The following SDCCAG8 variants were observed in gnomAD, a reference collection of about 807,000 sequenced individuals.
SDCCAG8 encodes the protein SHH signaling and ciliogenesis regulator SDCCAG8.
In SDCCAG8, 74 loss-of-function variants were observed where a neutral mutation model predicts 101.8. The observed-to-expected ratio is 0.73, with a 90% CI of 0.60 to 0.88. The LOEUF is 0.88. Ranked by LOEUF, SDCCAG8 falls within the 40% of genes least tolerant of loss-of-function variation. The pLI is 0.00. For synonymous variants in SDCCAG8, 281 were observed against 292.9 expected (o/e 0.96, Z 0.41); for missense variants, 787 against 822.6 (o/e 0.96, Z 0.53).
Position 243,286,255 on chromosome 1 carries a change from G to C in SDCCAG8, c.421-17G>C. 1 of 1,612,106 alleles carries C rather than the reference G, an allele frequency of 6.2e-7. No homozygotes were observed. The highest frequency in any genetic ancestry group is 8.5e-7 in the Non-Finnish European group (1 of 1,178,282). On this transcript the variant is annotated splice_polypyrimidine_tract_variant and intron_variant, in intron 4 of 17. Coordinates refer to ENST00000366541, the MANE Select transcript of SDCCAG8 (RefSeq NM_006642.5). Reference sequence around the variant, plus strand: ...CTGCTTAATAATGCTTAATGTGTTTGGTTTTGTTTATTATAGGAGGAACTC... The same window carrying C: ...CTGCTTAATAATGCTTAATGTGTTTCGTTTTGTTTATTATAGGAGGAACTC...
chr1:243,312,726 T>G (rs2992633), intron 8 of SDCCAG8, among the ~76,000 whole-genome samples: 121,699 of 145,706 alleles, frequency 0.84, 50,897 homozygotes, highest in East Asian at 0.93. Flanking sequence ...AAAAAAAAAA[T>G]AATGGCTTGT....
chr1:243,330,693 G>A lies in SDCCAG8; in HGVS notation c.1221+1G>A. On this transcript the variant is annotated splice_donor_variant, in intron 10 of 17. Coordinates refer to ENST00000366541, the MANE Select transcript of SDCCAG8 (RefSeq NM_006642.5). LOFTEE classifies it high-confidence loss of function. ...AGAAAGGGAGTACATGGGATCAAAG[G>A]TACTTAAGGACTCTGCTGTTATCCA... The A allele has an allele frequency of 6.2e-7, 1 of 1,614,028 alleles. No individual in the cohort carries two copies. Among genetic ancestry groups the A allele is most frequent in the Non-Finnish European group, 8.5e-7 (1 of 1,179,948 alleles).
chr1:243,314,017 A>G (rs2073010087), intron 8 of SDCCAG8, among the ~76,000 whole-genome samples: 1 of 152,156 alleles, frequency 6.6e-6, no homozygotes, highest in South Asian at 2.1e-4. Context: ...AGCTCTTTCT[A>G]AAAAAATTAT....
At chr1:243,411,190 T>G (rs2080148587) in intron 13 of SDCCAG8, among the ~76,000 whole-genome samples, 2 of 152,192 alleles carry the variant, frequency 1.3e-5, no homozygotes, top group African/African-American at 4.8e-5. Flanking sequence ...TATGGCTCAC[T>G]GTAGCCTCAA....
chr1:243,348,696 G>C (rs1573477191), intron 12 of SDCCAG8, among the ~76,000 whole-genome samples: 4 of 152,044 alleles, frequency 2.6e-5, no homozygotes, highest in Admixed American at 2.6e-4. Flanking sequence ...AATTCTAGCC[G>C]GGCGTGGTGG....
chr1:243,479,763 CAGTT>C (rs1427584198), intron 16 of SDCCAG8, among the ~76,000 whole-genome samples: 5 of 152,096 alleles, frequency 3.3e-5, no homozygotes, highest in African/African-American at 4.8e-5. Flanking sequence ...TTCATGTAGA[CAGTT>C]GGTTGTTTTG....
intron 12 of SDCCAG8, among the ~76,000 whole-genome samples, chr1:243,350,498 G>C (rs1329318650): frequency 6.6e-6 from 1 of 152,106 alleles, no homozygotes; most frequent in African/African-American, 2.4e-5. Flanking sequence ...GATTACAGAC[G>C]TGAGCCACTG....
chr1:243,312,090 T>G (rs2072780238), intron 8 of SDCCAG8, among the ~76,000 whole-genome samples: 1 of 152,220 alleles, frequency 6.6e-6, no homozygotes, highest in African/African-American at 2.4e-5. Flanking sequence ...GCTTTTATTG[T>G]CAATGAATTC....
At chr1:243,446,990 G>A (rs571043456) in intron 16 of SDCCAG8, among the ~76,000 whole-genome samples, 78 of 152,218 alleles carry the variant, frequency 5.1e-4, no homozygotes, top group African/African-American at 1.3e-3. Context: ...GGTGTCTCAC[G>A]CCTGTAATCC....
intron 16 of SDCCAG8, among the ~76,000 whole-genome samples, chr1:243,480,591 G>A (rs377381456): frequency 3.8e-3 from 4 of 1,046 alleles, no homozygotes; most frequent in East Asian, 0.025. Flanking sequence ...GGATGGATGG[G>A]TGGATGGGTG....
intron 16 of SDCCAG8, among the ~76,000 whole-genome samples, chr1:243,442,208 T>C (rs2082585053): frequency 1.3e-5 from 2 of 152,144 alleles, no homozygotes. Flanking sequence ...ATTGAGGAAT[T>C]GTGAAAAGGA....
chr1:243,462,817 C>G (rs1236019000), intron 16 of SDCCAG8, among the ~76,000 whole-genome samples: 1 of 151,810 alleles, frequency 6.6e-6, no homozygotes, highest in Non-Finnish European at 1.5e-5. Context: ...TTTTCTGCAC[C>G]AAGATATTTG....
chr1:243,346,357 G>C (rs2075706076), intron 12 of SDCCAG8: 1 of 153,796 alleles, frequency 6.5e-6, no homozygotes, highest in Non-Finnish European at 1.5e-5. Flanking sequence ...TAGATTAAAT[G>C]TTTAAGTGTT....
chr1:243,345,867 C>T (rs1370428332), intron 12 of SDCCAG8, among the ~76,000 whole-genome samples: 1 of 152,156 alleles, frequency 6.6e-6, no homozygotes, highest in Admixed American at 6.5e-5. Flanking sequence ...GCAGGATTTA[C>T]AAGGAGCAGT....
chr1:243,363,532 C>T (rs1465377181), intron 12 of SDCCAG8, among the ~76,000 whole-genome samples: 1 of 152,114 alleles, frequency 6.6e-6, no homozygotes, highest in Non-Finnish European at 1.5e-5. Flanking sequence ...CCATTTTGTT[C>T]ATCTAGATAA....
chr1:243,392,204 G>GATT (rs2078746621), intron 13 of SDCCAG8, among the ~76,000 whole-genome samples: 1 of 152,144 alleles, frequency 6.6e-6, no homozygotes, highest in African/African-American at 2.4e-5. Flanking sequence ...ATGAGTTCAG[G>GATT]TAAAATAAAT....
intron 1 of SDCCAG8, chr1:243,267,533 C>T (rs6429418): frequency 0.015 from 6,204 of 410,378 alleles, 322 homozygotes; most frequent in African/African-American, 0.11. Flanking sequence ...ACCCGAGAGG[C>T]GGAGGGTGCG....
intron 12 of SDCCAG8, among the ~76,000 whole-genome samples, chr1:243,345,934 G>A (rs570155170): frequency 1.3e-3 from 203 of 152,292 alleles, no homozygotes; most frequent in African/African-American, 4.8e-3. Flanking sequence ...TCATAATGAC[G>A]TTTAGTGGTA....
intron 14 of SDCCAG8, among the ~76,000 whole-genome samples, chr1:243,417,643 AAATAT>A (rs2080686169): frequency 6.6e-6 from 1 of 152,220 alleles, no homozygotes; most frequent in South Asian, 2.1e-4. Context: ...GTCAAAATAA[AAATAT>A]AATATCTTGC....
Sources: gnomAD v4.1 joint callset for allele counts (sites outside exome capture counted in the v4.1 genomes callset) on GRCh38, gnomAD v4.1.1 for gene constraint, MANE v1.5 for transcripts, NCBI Gene and HGNC (gene_info 2026-07-23, HGNC 2026-07-21) for gene names.